Variants in PCDHA9 observed in about 807,000 individuals in gnomAD.
PCDHA9 encodes protocadherin alpha 9.
PCDHA9 carries 62 observed loss-of-function variants against 62.0 expected under a neutral mutation model. That is an observed-to-expected ratio of 1.00 (90% CI 0.81 to 1.23). The LOEUF (loss-of-function observed/expected upper bound fraction) is 1.23. Among genes scored for constraint, PCDHA9 ranks in the 50% most tolerant of loss-of-function variants. The probability of loss-of-function intolerance (pLI) is 0.00; values close to 1 mark genes in which losing one functional copy is unlikely to be tolerated. For synonymous variants in PCDHA9, 557 were observed against 567.6 expected (o/e 0.98, Z 0.27); for missense variants, 1,205 against 1,249.8 (o/e 0.96, Z 0.54).
chr5:140,877,156 G>A (rs1471783281), intron 1 of PCDHA9: 1 of 1,613,692 alleles, frequency 6.2e-7, no homozygotes, highest in Admixed American at 1.7e-5. Context: ...GAACGACAAC[G>A]CGCCGGCACT....
At chr5:141,006,108 T>G (rs1268824828) in intron 3 of PCDHA9, among the ~76,000 whole-genome samples, 3 of 151,864 alleles carry the variant, frequency 2.0e-5, no homozygotes, top group Non-Finnish European at 4.4e-5. Flanking sequence ...GTAAGGAGTT[T>G]TTTTTTTTTT....
intron 1 of PCDHA9, among the ~76,000 whole-genome samples, chr5:140,951,891 C>T (rs913687305): frequency 1.3e-5 from 2 of 152,110 alleles, no homozygotes; most frequent in Non-Finnish European, 2.9e-5. Context: ...TCTCTTCTGC[C>T]TATGAGCCTG....
At position 140,853,046 on chromosome 5, in the gene PCDHA9, T is replaced by C. The variant is rs2150527902; in HGVS notation, c.2394+2157T>C. 4 of 266,690 alleles carry C rather than the reference T, an allele frequency of 1.5e-5. No individual in the cohort carries two copies. The South Asian group carries it at 5.7e-4, about 38-fold the overall frequency. The allele number at this position is 266,690 out of a possible 1,614,324, so 16.5% of individuals were successfully genotyped here. On this transcript the variant is annotated intron_variant, in intron 1 of 3. Transcript: ENST00000532602. ...GGCGCCTGCCACCATGCCCGCCTAA[T>C]TTTTTTGTATTTTTAGTAGAGATGG...
intron 1 of PCDHA9, among the ~76,000 whole-genome samples, chr5:140,964,876 G>A (rs2095860081): frequency 6.6e-6 from 1 of 152,188 alleles, no homozygotes; most frequent in Non-Finnish European, 1.5e-5. Flanking sequence ...CAAATAAGAA[G>A]CAGCAGTGAT....
intron 1 of PCDHA9, chr5:140,859,527 A>T (rs1435954408): frequency 5.2e-6 from 1 of 191,864 alleles, no homozygotes; most frequent in African/African-American, 2.4e-5. Flanking sequence ...TTTTAAAAAA[A>T]ATTTATTAAT....
At chr5:140,904,859 T>C (rs1294164011) in intron 1 of PCDHA9, among the ~76,000 whole-genome samples, 8 of 152,242 alleles carry the variant, frequency 5.3e-5, no homozygotes, top group Non-Finnish European at 1.2e-4. Flanking sequence ...GAGAATTGTC[T>C]GTTTATGTCC....
chr5:140,943,006 C>G (rs1314561126), intron 1 of PCDHA9, among the ~76,000 whole-genome samples: 1 of 151,932 alleles, frequency 6.6e-6, no homozygotes, highest in East Asian at 1.9e-4. Context: ...CCTGTAATCC[C>G]AGCACTTTGG....
intron 1 of PCDHA9, among the ~76,000 whole-genome samples, chr5:140,910,741 ATAAAT>A (rs2075151736): frequency 6.6e-6 from 1 of 152,142 alleles, no homozygotes; most frequent in African/African-American, 2.4e-5. Flanking sequence ...AACCAAGCAC[ATAAAT>A]TATCAGAACC....
chr5:140,902,381 A>G (rs2153476778), intron 1 of PCDHA9, among the ~76,000 whole-genome samples: 1 of 152,036 alleles, frequency 6.6e-6, no homozygotes, highest in South Asian at 2.1e-4. Flanking sequence ...TGCTCTAGCT[A>G]AGAGTACTAT....
intron 3 of PCDHA9, among the ~76,000 whole-genome samples, chr5:141,007,652 A>T (rs2098338412): frequency 6.6e-6 from 1 of 152,112 alleles, no homozygotes; most frequent in African/African-American, 2.4e-5. Flanking sequence ...TGCCTAAAAA[A>T]CCATAAATTT....
intron 1 of PCDHA9, chr5:140,856,750 C>G (rs1554149043): frequency 6.3e-7 from 1 of 1,596,268 alleles, no homozygotes; most frequent in African/African-American, 1.3e-5. Context: ...TGTTAGATGC[C>G]AATGATAACG....
intron 1 of PCDHA9, chr5:140,851,797 G>A (rs1349130494): frequency 3.1e-6 from 3 of 953,270 alleles, no homozygotes; most frequent in Non-Finnish European, 2.5e-6. Flanking sequence ...CACTTGTTCT[G>A]TCAGTAATCC....
At chr5:140,889,339 G>A (rs1554183871) in intron 1 of PCDHA9, among the ~76,000 whole-genome samples, 1 of 151,948 alleles carries the variant, frequency 6.6e-6, no homozygotes, top group Admixed American at 6.6e-5. Flanking sequence ...TTTGATTGGT[G>A]GGAATATTTC....
At chr5:140,979,168 G>T in intron 2 of PCDHA9, 161 bp downstream of exon 2, 6 of 966,502 alleles carry the variant, frequency 6.2e-6, no homozygotes, top group Non-Finnish European at 7.4e-6. Context: ...TTCCTTGAAA[G>T]ATCGCAAATG....
chr5:140,943,888 T>A (rs567966075), intron 1 of PCDHA9, among the ~76,000 whole-genome samples: 1 of 152,330 alleles, frequency 6.6e-6, no homozygotes, highest in South Asian at 2.1e-4. Context: ...ATTGGACTGG[T>A]CATTATGATG....
intron 1 of PCDHA9, chr5:140,869,974 T>G: frequency 6.2e-7 from 1 of 1,613,252 alleles, no homozygotes; most frequent in Non-Finnish European, 8.5e-7. Context: ...TGGAAGACAC[T>G]TATTTACACT....
intron 1 of PCDHA9, among the ~76,000 whole-genome samples, chr5:140,922,015 A>G (rs1563050158): frequency 6.6e-6 from 1 of 152,098 alleles, no homozygotes; most frequent in Non-Finnish European, 1.5e-5. Context: ...AGTTTAAAAA[A>G]ATAAATATAA....
chr5:140,870,507 A>G (rs782584168), intron 1 of PCDHA9: 3 of 1,614,128 alleles, frequency 1.9e-6, no homozygotes, highest in African/African-American at 1.3e-5. Context: ...AGAACAACCC[A>G]CCAGGCTGCC....
At position 140,857,907 on chromosome 5, in the gene PCDHA9, C is replaced by T. The variant is rs1250345336; in HGVS notation, c.2394+7018C>T. 3.1e-6 allele frequency: 5 copies of T among 1,597,680 alleles called. No homozygotes were observed. Among genetic ancestry groups the T allele is most frequent in the Admixed American group, 1.7e-5 (1 of 59,240 alleles). Reference sequence around the variant, plus strand: ...TCGGCGGCGGTTGGTGCACGCATCCCGTTTCGCGTGGGGCTGTACACGGGC... The same window carrying T: ...TCGGCGGCGGTTGGTGCACGCATCCTGTTTCGCGTGGGGCTGTACACGGGC... On this transcript the variant is annotated intron_variant, in intron 1 of 3. Transcript: ENST00000532602.
Sources: gnomAD v4.1 joint callset for allele counts (sites outside exome capture counted in the v4.1 genomes callset) on GRCh38, gnomAD v4.1.1 for gene constraint, MANE v1.5 for transcripts, NCBI Gene and HGNC (gene_info 2026-07-23, HGNC 2026-07-21) for gene names.